Variants in AADACL3 observed in about 807,000 individuals in gnomAD.
The protein encoded by AADACL3 is arylacetamide deacetylase-like 3.
In AADACL3, 13 loss-of-function variants were observed where a neutral mutation model predicts 13.6. That is an observed-to-expected ratio of 0.95 (90% CI 0.62 to 1.52). The LOEUF is 1.52. Ranked by LOEUF, AADACL3 falls within the 40% of genes most tolerant of loss-of-function variation. The pLI, the probability that AADACL3 is intolerant of heterozygous loss-of-function variation, is 0.00. For missense variants in AADACL3, 519 were observed against 499.2 expected, an observed-to-expected ratio of 1.04 and a Z score of -0.38; for synonymous variants, 195 against 197.0, an observed-to-expected ratio of 0.99 and a Z score of 0.08.
intron 3 of AADACL3, 150 bp from the exon 4 acceptor site, chr1:12,725,072 G>A: frequency 1.3e-6 from 1 of 798,308 alleles, no homozygotes; most frequent in Non-Finnish European, 2.0e-6. Context: ...GGCTTTATGT[G>A]TCTCATCTCA....
chr1:12,719,714 TC>T, intron 2 of AADACL3, 23 bp downstream of exon 2: 1 of 1,601,872 alleles, frequency 6.2e-7, no homozygotes, highest in African/African-American at 1.3e-5. Flanking sequence ...TTCTCAGACC[TC>T]CTAAAGGGTG....
At chr1:12,719,346 G>A in intron 1 of AADACL3, 129 bp from the exon 2 acceptor site, 2 of 844,762 alleles carry the variant, frequency 2.4e-6, no homozygotes, top group South Asian at 1.5e-5. Flanking sequence ...GAGTAGGGCT[G>A]TAATCCAATC....
intron 3 of AADACL3, among the ~76,000 whole-genome samples, chr1:12,722,422 A>T (rs576034091): frequency 1.3e-5 from 2 of 151,944 alleles, no homozygotes; most frequent in Admixed American, 1.3e-4. Flanking sequence ...TCTCAGCTCC[A>T]GAAGGGTTTC....
At chr1:12,719,156 G>A (rs908497918) in intron 1 of AADACL3, among the ~76,000 whole-genome samples, 4 of 152,164 alleles carry the variant, frequency 2.6e-5, no homozygotes, top group Non-Finnish European at 4.4e-5. Flanking sequence ...GCAGGGCCTC[G>A]TGGTGGAGGT....
In AADACL3 at chr1:12,726,217, C is replaced by G; in HGVS notation, c.*221C>G. The G allele has an allele frequency of 1.8e-6, 1 of 558,814 alleles. No homozygotes were observed. Among genetic ancestry groups the G allele is most frequent in the Non-Finnish European group, 3.1e-6 (1 of 322,374 alleles). 34.6% of individuals were successfully genotyped at this position (558,814 alleles called of 1,614,324 possible). On this transcript the variant is annotated 3_prime_UTR_variant, in exon 4 of 4. Coordinates refer to ENST00000359318, the MANE Select transcript of AADACL3 (RefSeq NM_001103170.3). ...GGTTTGGAGGTGGGAGTGTGGCTGT[C>G]TCTATTCTCTGTTGGGAAAACCTGG...
intron 3 of AADACL3, among the ~76,000 whole-genome samples, chr1:12,723,383 C>T (rs550704582): frequency 8.9e-4 from 135 of 152,202 alleles, no homozygotes; most frequent in African/African-American, 3.2e-3. Context: ...TGACTGTCTC[C>T]CAGTTCAAAA....
intron 2 of AADACL3, 105 bp from the exon 3 acceptor site, chr1:12,720,778 C>A: frequency 1.1e-6 from 1 of 931,900 alleles, no homozygotes; most frequent in South Asian, 1.3e-5. Context: ...TAGAGGAAAA[C>A]CTAGTCGGCA....
At position 12,725,988 on chromosome 1, in the gene AADACL3, GGACTGT is replaced by G; in HGVS notation, c.1220_*1del. On this transcript the variant is annotated stop_lost and inframe_deletion, in exon 4 of 4. Coordinates refer to ENST00000359318, the MANE Select transcript of AADACL3 (RefSeq NM_001103170.3). Reference sequence around the variant, plus strand: ...GAGTGCATTAGTTCAATTTGTAAAGGGACTGTGACCATCTTTCTTCTCTGCTGGTAC... The same window carrying G: ...GAGTGCATTAGTTCAATTTGTAAAGGGACCATCTTTCTTCTCTGCTGGTAC... 1 of 1,608,982 alleles carries G rather than the reference GGACTGT, an allele frequency of 6.2e-7. No individual in the cohort carries two copies. The highest frequency in any genetic ancestry group is 1.7e-4 in the Middle Eastern group (1 of 5,962).
chr1:12,722,585 C>T lies in AADACL3; in HGVS notation c.449+1639C>T, dbSNP rs559195875. ...ATTTTGGAGTTAAGGGCATTGCTTTCCAGGATGTCCTATTCCCGGGTGGCC... is the reference window on the plus strand; with the variant it reads ...ATTTTGGAGTTAAGGGCATTGCTTTTCAGGATGTCCTATTCCCGGGTGGCC... On this transcript the variant is annotated intron_variant, in intron 3 of 3. Transcript: ENST00000359318. 1.4e-4 allele frequency among the ~76,000 whole-genome samples: 22 copies of T among 151,900 alleles called. No individual in the cohort carries two copies. In the South Asian group the frequency reaches 4.2e-3, roughly 29 times the overall value.
At chr1:12,725,166 C>T (rs755809312) in intron 3 of AADACL3, 56 bp from the exon 4 acceptor site, 111 of 1,510,276 alleles carry the variant, frequency 7.3e-5, no homozygotes, top group Non-Finnish European at 9.0e-5. Flanking sequence ...ATGCTAGACG[C>T]TGATATTTTG....
chr1:12,725,112 C>A lies in AADACL3; in HGVS notation c.450-110C>A, dbSNP rs181669836. On this transcript the variant is annotated intron_variant, in intron 3 of 3. Coordinates refer to ENST00000359318, the MANE Select transcript of AADACL3 (RefSeq NM_001103170.3). ...AGCCTCACACCTAACTTTAACTGCT[C>A]AAGTTTCACAAAGGGAAGTGAATGG... is the stretch of plus-strand genomic sequence containing the variant. 91 of 1,214,714 alleles carry A rather than the reference C, an allele frequency of 7.5e-5. No individual in the cohort carries two copies. The East Asian group carries it at 2.1e-3, about 28-fold the overall frequency. The allele number at this position is 1,214,714 out of a possible 1,614,324, so 75.2% of individuals were successfully genotyped here. A position where few individuals can be genotyped will look rare whatever the true frequency, so the allele number is the denominator to read the frequency against.
chr1:12,725,908 T>G lies in AADACL3; in HGVS notation c.1136T>G (p.Val379Gly). ...WHHMEDGFHG[V>G]LRTIDMSFLH... is the part of the protein sequence containing the mutation. ...CATATGGAGGATGGTTTCCATGGAGTGCTCAGGACCATTGACATGAGCTTC... is the reference window on the plus strand; with the variant it reads ...CATATGGAGGATGGTTTCCATGGAGGGCTCAGGACCATTGACATGAGCTTC... The change falls in exon 4 of 4, where the codon GTG becomes GGG. Residue 379 changes from valine (V) to glycine (G), a missense_variant. By Grantham distance (109) the Val-to-Gly change is moderately radical. Coordinates refer to ENST00000359318, the MANE Select transcript of AADACL3 (RefSeq NM_001103170.3). 2 of 1,614,042 alleles carry G rather than the reference T, an allele frequency of 1.2e-6. No homozygotes were observed. The highest frequency in any genetic ancestry group is 2.2e-5 in the East Asian group (1 of 44,866).
intron 3 of AADACL3, among the ~76,000 whole-genome samples, chr1:12,723,252 T>TA (rs200887603): frequency 2.2e-4 from 34 of 151,944 alleles, no homozygotes; most frequent in African/African-American, 6.0e-4. Flanking sequence ...TTTAAAAGAT[T>TA]AAAAAAAATA....
At position 12,728,219 on chromosome 1, in the gene AADACL3, G is replaced by C. The variant is rs1230229120; in HGVS notation, c.*2223G>C. 6.6e-6 allele frequency: 1 copy of C among 152,184 alleles called. No homozygotes were observed. Among genetic ancestry groups the C allele is most frequent in the South Asian group, 2.1e-4 (1 of 4,822 alleles). 9.4% of individuals were successfully genotyped at this position (152,184 alleles called of 1,614,324 possible). A position where few individuals can be genotyped will look rare whatever the true frequency, so the allele number is the denominator to read the frequency against. On this transcript the variant is annotated 3_prime_UTR_variant, in exon 4 of 4. Transcript: ENST00000359318. ...TCACCCAGGGCCAGCTACATGCTAG[G>C]CACTGTACTGGACCATTTAAATTTG...
rs1036978799 is a variant in AADACL3 at position 12,720,818 on chromosome 1, A to T, written c.386-65A>T. 2.8e-6 allele frequency: 4 copies of T among 1,423,340 alleles called. No individual in the cohort carries two copies. The African/African-American group carries it at 5.7e-5, about 20-fold the overall frequency. The allele number at this position is 1,423,340 out of a possible 1,614,324, so 88.2% of individuals were successfully genotyped here. A position where few individuals can be genotyped will look rare whatever the true frequency, so the allele number is the denominator to read the frequency against. ...CCCAAGTGCTGTGTCTGTAGGAAGA[A>T]GACGGTGACAATGGCTGGCAAAGGA... On this transcript the variant is annotated intron_variant, in intron 2 of 3. Transcript: ENST00000359318.
At position 12,728,566 on chromosome 1, in the gene AADACL3, C is replaced by T. The variant is rs1166981464; in HGVS notation, c.*2570C>T. On this transcript the variant is annotated 3_prime_UTR_variant, in exon 4 of 4. Coordinates refer to ENST00000359318, the MANE Select transcript of AADACL3 (RefSeq NM_001103170.3). ...GGTTTGCACATTCTGCCCATGTCTGCGTGGGTTTTCTCTGAGTTCTCCAGC... is the reference window on the plus strand; with the variant it reads ...GGTTTGCACATTCTGCCCATGTCTGTGTGGGTTTTCTCTGAGTTCTCCAGC... 6.6e-5 allele frequency: 10 copies of T among 152,206 alleles called. No homozygotes were observed. Among genetic ancestry groups the T allele is most frequent in the Admixed American group, 2.6e-4 (4 of 15,272 alleles). The allele number at this position is 152,206 out of a possible 1,614,324, so 9.4% of individuals were successfully genotyped here. A position where few individuals can be genotyped will look rare whatever the true frequency, so the allele number is the denominator to read the frequency against.
chr1:12,728,197 C>A lies in AADACL3; in HGVS notation c.*2201C>A, dbSNP rs1638413137. 1 of 152,210 alleles carries A rather than the reference C, an allele frequency of 6.6e-6. No homozygotes were observed. Among genetic ancestry groups the A allele is most frequent in the Non-Finnish European group, 1.5e-5 (1 of 68,040 alleles). 9.4% of individuals were successfully genotyped at this position (152,210 alleles called of 1,614,324 possible). ...GAAAAGGGATAGGAATGAATGTTCA[C>A]CCAGGGCCAGCTACATGCTAGGCAC... On this transcript the variant is annotated 3_prime_UTR_variant, in exon 4 of 4. Transcript: ENST00000359318.
chr1:12,723,252 TA>T (rs200887603), intron 3 of AADACL3, among the ~76,000 whole-genome samples: 3,026 of 151,930 alleles, frequency 0.02, 81 homozygotes, highest in African/African-American at 0.068. Flanking sequence ...TTTAAAAGAT[TA>T]AAAAAAATAA....
chr1:12,718,144 T>C (rs1261411390), intron 1 of AADACL3, among the ~76,000 whole-genome samples: 1 of 152,166 alleles, frequency 6.6e-6, no homozygotes, highest in Non-Finnish European at 1.5e-5. Context: ...CCTATATTAT[T>C]ATGACATACA....
Sources: gnomAD v4.1 joint callset for allele counts (sites outside exome capture counted in the v4.1 genomes callset) on GRCh38, gnomAD v4.1.1 for gene constraint, MANE v1.5 for transcripts, NCBI Gene and HGNC (gene_info 2026-07-23, HGNC 2026-07-21) for gene names.